The following LPP variants were observed in gnomAD, a reference collection of about 807,000 sequenced individuals.
The protein encoded by LPP is LIM domain containing preferred translocation partner in lipoma.
Under a neutral mutation model 60.4 loss-of-function variants are expected in LPP, and 38 were observed. That is an observed-to-expected ratio of 0.63 (90% CI 0.49 to 0.83). LPP has a LOEUF of 0.83. Among genes scored for constraint, LPP ranks in the 40% least tolerant of loss-of-function variants. The pLI is 0.00. For missense variants in LPP, 902 were observed against 783.6 expected, an observed-to-expected ratio of 1.15 and a Z score of -1.80; for synonymous variants, 328 against 290.8, an observed-to-expected ratio of 1.13 and a Z score of -1.30.
At chr3:188,772,246 T>G (rs1736272153) in intron 9 of LPP, among the ~76,000 whole-genome samples, 1 of 152,200 alleles carries the variant, frequency 6.6e-6, no homozygotes, top group South Asian at 2.1e-4. Flanking sequence ...TCTCTGTCTA[T>G]TCCCATGCCA....
chr3:188,657,070 AT>A (rs1853379554), intron 7 of LPP, among the ~76,000 whole-genome samples: 1 of 151,968 alleles, frequency 6.6e-6, no homozygotes, highest in African/African-American at 2.4e-5. Context: ...TAGAGTCCAC[AT>A]TGGCCCATTT....
chr3:188,410,097 T>C (rs1392754616), intron 4 of LPP, among the ~76,000 whole-genome samples: 1 of 152,080 alleles, frequency 6.6e-6, no homozygotes, highest in African/African-American at 2.4e-5. Context: ...ACTTTGAGAG[T>C]CAGGGGCTGC....
intron 6 of LPP, among the ~76,000 whole-genome samples, chr3:188,567,753 T>C (rs1832540204): frequency 6.6e-6 from 1 of 151,984 alleles, no homozygotes; most frequent in Non-Finnish European, 1.5e-5. Flanking sequence ...TGCCAAATAA[T>C]GACTTACATC....
intron 2 of LPP, among the ~76,000 whole-genome samples, chr3:188,271,065 G>A (rs1246664176): frequency 1.3e-5 from 2 of 152,190 alleles, no homozygotes; most frequent in Non-Finnish European, 1.5e-5. Context: ...CCCAGTGAAA[G>A]CATTTTCTAA....
At chr3:188,342,810 T>C (rs2150683615) in intron 3 of LPP, among the ~76,000 whole-genome samples, 1 of 152,250 alleles carries the variant, frequency 6.6e-6, no homozygotes, top group East Asian at 1.9e-4. Flanking sequence ...CATATATATA[T>C]AATAAGAACA....
Position 188,882,782 on chromosome 3 carries a change from A to G in LPP, c.*8303A>G, listed in dbSNP as rs1412127977. 5.4e-6 allele frequency: 1 copy of G among 184,626 alleles called. No individual in the cohort carries two copies. Among genetic ancestry groups the G allele is most frequent in the Middle Eastern group, 1.9e-3 (1 of 520 alleles). The allele number at this position is 184,626 out of a possible 1,614,324, so 11.4% of individuals were successfully genotyped here. Reference sequence around the variant, plus strand: ...GAGACGGAGTCTTGCTCTGTCGCCCAGGCTGGAGTGCAGTGGCGCAATCTC... The same window carrying G: ...GAGACGGAGTCTTGCTCTGTCGCCCGGGCTGGAGTGCAGTGGCGCAATCTC... On this transcript the variant is annotated 3_prime_UTR_variant, in exon 12 of 12. Transcript: ENST00000617246.
chr3:188,224,455 A>G (rs1213586438), intron 1 of LPP, among the ~76,000 whole-genome samples: 1 of 152,196 alleles, frequency 6.6e-6, no homozygotes. Flanking sequence ...CTGTGTAATC[A>G]TTAGCAAAAC....
intron 2 of LPP, among the ~76,000 whole-genome samples, chr3:188,250,446 A>G (rs748412126): frequency 1.3e-5 from 2 of 152,228 alleles, no homozygotes; most frequent in Non-Finnish European, 2.9e-5. Context: ...TGATCAAGGC[A>G]TTGTCCAGTT....
intron 9 of LPP, among the ~76,000 whole-genome samples, chr3:188,827,359 C>T (rs1290825338): frequency 1.3e-5 from 2 of 152,210 alleles, no homozygotes; most frequent in African/African-American, 4.8e-5. Context: ...TTCCACCCCA[C>T]AGCACATGAC....
chr3:188,555,587 A>G (rs1829278272), intron 6 of LPP, among the ~76,000 whole-genome samples: 1 of 152,090 alleles, frequency 6.6e-6, no homozygotes, highest in African/African-American at 2.4e-5. Context: ...GTAATAGAAG[A>G]GTCAAGAATG....
At chr3:188,661,338 T>C (rs1046223993) in intron 7 of LPP, among the ~76,000 whole-genome samples, 1 of 152,202 alleles carries the variant, frequency 6.6e-6, no homozygotes, top group Non-Finnish European at 1.5e-5. Context: ...TATTTTCAGC[T>C]CATTTGGGTA....
chr3:188,176,022 A>G (rs1306122676), intron 1 of LPP, among the ~76,000 whole-genome samples: 1 of 152,214 alleles, frequency 6.6e-6, no homozygotes, highest in Non-Finnish European at 1.5e-5. Context: ...GATCAAAATC[A>G]GAATGGCAAA....
chr3:188,866,382 G>A lies in LPP; in HGVS notation c.1589+4G>A, dbSNP rs1766597246. 4 of 1,455,008 alleles carry A rather than the reference G, an allele frequency of 2.7e-6. No homozygotes were observed. The East Asian group carries it at 1.1e-4, about 38-fold the overall frequency. 90.1% of individuals were successfully genotyped at this position (1,455,008 alleles called of 1,614,324 possible). On this transcript the variant is annotated splice_donor_region_variant and intron_variant, in intron 10 of 11. Transcript: ENST00000617246. ...ACTGCATTGAGGACTTCCACAAGTA[G>A]GCAACCTACTCTCTCGTCACCACCC...
intron 9 of LPP, 52 bp downstream of exon 9, chr3:188,760,334 T>C: frequency 6.3e-7 from 1 of 1,579,064 alleles, no homozygotes; most frequent in Admixed American, 1.7e-5. Flanking sequence ...CTTCTGTGGC[T>C]GAATGCCAGT....
intron 2 of LPP, among the ~76,000 whole-genome samples, chr3:188,292,502 A>T (rs1746340535): frequency 6.6e-6 from 1 of 152,314 alleles, no homozygotes; most frequent in African/African-American, 2.4e-5. Flanking sequence ...ATAGAGCAAG[A>T]GGGATGGAAT....
intron 10 of LPP, among the ~76,000 whole-genome samples, chr3:188,868,049 C>A (rs898004044): frequency 1.3e-5 from 2 of 152,190 alleles, no homozygotes; most frequent in African/African-American, 2.4e-5. Flanking sequence ...AGGAAGGACT[C>A]ACTTTTAAAG....
chr3:188,625,163 A>C (rs1398225060), intron 7 of LPP, among the ~76,000 whole-genome samples: 1 of 152,106 alleles, frequency 6.6e-6, no homozygotes, highest in Non-Finnish European at 1.5e-5. Flanking sequence ...CATAATAGCT[A>C]CCCCAAAATA....
At chr3:188,203,485 A>T (rs1731897366) in intron 1 of LPP, among the ~76,000 whole-genome samples, 1 of 83,018 alleles carries the variant, frequency 1.2e-5, no homozygotes, top group Non-Finnish European at 2.1e-5. Context: ...ATATATATAT[A>T]TTTTTAAATA....
chr3:188,623,733 T>A (rs576121064), intron 7 of LPP, among the ~76,000 whole-genome samples: 7 of 152,360 alleles, frequency 4.6e-5, no homozygotes, highest in Admixed American at 4.6e-4. Context: ...GTCACTGCTG[T>A]GCAGCAACTC....
Sources: allele counts gnomAD v4.1 joint callset (sites outside exome capture counted in the v4.1 genomes callset), GRCh38; gene constraint gnomAD v4.1.1; transcripts MANE v1.5; gene names NCBI Gene and HGNC (gene_info 2026-07-23, HGNC 2026-07-21).